The following SCFD2 variants were observed in gnomAD, a reference collection of about 807,000 sequenced individuals.
The protein encoded by SCFD2 is sec1 family domain containing 2.
Under a neutral mutation model 58.9 loss-of-function variants are expected in SCFD2, and 54 were observed. The ratio of observed to expected loss-of-function variants is 0.92; its 90% confidence interval spans 0.74 to 1.15. The LOEUF (loss-of-function observed/expected upper bound fraction) is 1.15. SCFD2 is among the 50% of genes most tolerant of loss of function. The pLI is 0.00. For synonymous variants in SCFD2, 321 were observed against 335.9 expected (o/e 0.96, Z 0.49); for missense variants, 805 against 836.6 (o/e 0.96, Z 0.47).
chr4:53,344,185 T>C (rs1733981340), intron 2 of SCFD2, among the ~76,000 whole-genome samples: 1 of 151,818 alleles, frequency 6.6e-6, no homozygotes, highest in Non-Finnish European at 1.5e-5. Flanking sequence ...GACATGATTG[T>C]ATATTTAGAA....
At chr4:53,109,017 C>T (rs1403355382) in intron 5 of SCFD2, among the ~76,000 whole-genome samples, 4 of 152,160 alleles carry the variant, frequency 2.6e-5, no homozygotes, top group Non-Finnish European at 5.9e-5. Context: ...GCTCATCTAC[C>T]ATGATCAAGT....
At chr4:52,892,312 C>T (rs903636617) in intron 7 of SCFD2, among the ~76,000 whole-genome samples, 6 of 152,196 alleles carry the variant, frequency 3.9e-5, no homozygotes, top group African/African-American at 1.2e-4. Flanking sequence ...CTTAGACTTT[C>T]ATCTTCTCAC....
At chr4:53,283,886 G>A (rs915653400) in intron 3 of SCFD2, among the ~76,000 whole-genome samples, 4 of 151,994 alleles carry the variant, frequency 2.6e-5, no homozygotes, top group Admixed American at 2.0e-4. Context: ...GGGAGGCCGA[G>A]GTGGGCGGAT....
chr4:53,051,956 C>G (rs1178126542), intron 5 of SCFD2, among the ~76,000 whole-genome samples: 1 of 152,248 alleles, frequency 6.6e-6, no homozygotes, highest in South Asian at 2.1e-4. Flanking sequence ...TCAATTAGAT[C>G]TAATTTTTCT....
chr4:53,229,766 C>G (rs191066193), intron 4 of SCFD2, among the ~76,000 whole-genome samples: 36 of 152,300 alleles, frequency 2.4e-4, no homozygotes, highest in African/African-American at 6.0e-4. Context: ...CCAGAATTGA[C>G]AAATGGGATC....
intron 5 of SCFD2, among the ~76,000 whole-genome samples, chr4:53,009,352 C>T (rs188761960): frequency 6.6e-6 from 1 of 152,274 alleles, no homozygotes; most frequent in Non-Finnish European, 1.5e-5. Flanking sequence ...TTGGTAAATA[C>T]TGGTTGAGAA....
rs17082302 is a variant in SCFD2 at position 53,027,029 on chromosome 4, A to C, written c.1562-106159T>G. Among the ~76,000 whole-genome samples the C allele has an allele frequency of 5.0e-3, 768 of 152,346 alleles. 6 individuals are homozygous for C. Among genetic ancestry groups the C allele is most frequent in the African/African-American group, 0.017 (724 of 41,574 alleles). On this transcript the variant is annotated intron_variant, in intron 5 of 8. Coordinates refer to ENST00000401642, the MANE Select transcript of SCFD2 (RefSeq NM_152540.4). ...GACCTGATAGAGTTAATATACACCAAGGTAACAATCTCCTTAAGTTCCTAA... is the reference window on the plus strand; with the variant it reads ...GACCTGATAGAGTTAATATACACCACGGTAACAATCTCCTTAAGTTCCTAA...
At position 53,284,282 on chromosome 4, in the gene SCFD2, T is replaced by C. The variant is rs114113901; in HGVS notation, c.1136-10281A>G. ...TTGCCACATTACCATACTATTAATA[T>C]GCACTTTCATTTTTCTTATTGATTG... is the stretch of plus-strand genomic sequence containing the variant. On this transcript the variant is annotated intron_variant, in intron 3 of 8. Transcript: ENST00000401642. Among the ~76,000 whole-genome samples the C allele has an allele frequency of 8.6e-3, 1,302 of 151,930 alleles. 12 individuals carry two copies. Among genetic ancestry groups the C allele is most frequent in the African/African-American group, 0.03 (1,239 of 41,470 alleles).
intron 5 of SCFD2, among the ~76,000 whole-genome samples, chr4:52,960,042 T>A (rs995086861): frequency 6.6e-6 from 1 of 152,210 alleles, no homozygotes; most frequent in African/African-American, 2.4e-5. Context: ...GTCCACGGTC[T>A]TAATTTTTTC....
intron 4 of SCFD2, among the ~76,000 whole-genome samples, chr4:53,260,041 G>A (rs1730783467): frequency 6.6e-6 from 1 of 150,656 alleles, no homozygotes; most frequent in Non-Finnish European, 1.5e-5. Flanking sequence ...TGTATAGCAA[G>A]GTATATAGTG....
chr4:53,125,824 G>C lies in SCFD2; in HGVS notation c.1561+19509C>G, dbSNP rs1352878812. Among the ~76,000 whole-genome samples, 4 of 152,200 alleles carry C rather than the reference G, an allele frequency of 2.6e-5. No homozygotes were observed. The South Asian group carries it at 6.2e-4, about 24-fold the overall frequency. The stretch of plus-strand genomic sequence containing the variant: ...TTTAGGGCCTGATCACTAAAGGGAG[G>C]GGGTAGATATGGGGTAAATAGAAGT... On this transcript the variant is annotated intron_variant, in intron 5 of 8. Coordinates refer to ENST00000401642, the MANE Select transcript of SCFD2 (RefSeq NM_152540.4).
At chr4:53,028,444 T>C (rs1722534006) in intron 5 of SCFD2, among the ~76,000 whole-genome samples, 1 of 152,212 alleles carries the variant, frequency 6.6e-6, no homozygotes, top group African/African-American at 2.4e-5. Context: ...TGAATCATAC[T>C]ATAGTACTCC....
chr4:53,049,092 C>A (rs1462465565), intron 5 of SCFD2, among the ~76,000 whole-genome samples: 3 of 152,246 alleles, frequency 2.0e-5, no homozygotes, highest in Middle Eastern at 3.4e-3. Flanking sequence ...AATGGCGTAC[C>A]TTCTTTCAAC....
In SCFD2 at chr4:53,365,053, T is replaced by A. The variant is rs1734653024; in HGVS notation, c.838+51A>T. ...AAAATATATGCTGAATCAATGAAAG[T>A]CCCAGCAATGTGGGGAATGGTAATG... is the stretch of plus-strand genomic sequence containing the variant. On this transcript the variant is annotated intron_variant, in intron 1 of 8. Transcript: ENST00000401642. This position sits in a 1 kb window ranked among gnomAD's most constrained non-coding sequence, Gnocchi z 4.3. 1 of 1,560,012 alleles carries A rather than the reference T, an allele frequency of 6.4e-7. No individual in the cohort carries two copies.
intron 3 of SCFD2, among the ~76,000 whole-genome samples, chr4:53,300,995 C>A (rs1286925902): frequency 1.3e-5 from 2 of 152,108 alleles, no homozygotes; most frequent in Admixed American, 6.5e-5. Flanking sequence ...CAAGAGAAAG[C>A]AGGAAAGATC....
chr4:53,018,564 T>C (rs1475539615), intron 5 of SCFD2, among the ~76,000 whole-genome samples: 2 of 152,184 alleles, frequency 1.3e-5, no homozygotes, highest in African/African-American at 2.4e-5. Context: ...GAGTGATTTA[T>C]ATTTAGTCAA....
chr4:53,324,415 C>G (rs1360390279), intron 2 of SCFD2, among the ~76,000 whole-genome samples: 2 of 101,020 alleles, frequency 2.0e-5, no homozygotes, highest in African/African-American at 3.8e-5. Context: ...GAGACCCTGT[C>G]TCTCCAAAAA....
At chr4:53,327,811 T>C (rs1392990943) in intron 2 of SCFD2, among the ~76,000 whole-genome samples, 1 of 152,156 alleles carries the variant, frequency 6.6e-6, no homozygotes, top group African/African-American at 2.4e-5. Context: ...ATTGGAAGTA[T>C]TGCTGGGAAC....
rs1721977277 is a variant in SCFD2 at position 53,006,721 on chromosome 4, G to C, written c.1562-85851C>G. Among the ~76,000 whole-genome samples, 4 of 152,166 alleles carry C rather than the reference G, an allele frequency of 2.6e-5. No individual in the cohort carries two copies. In the South Asian group the frequency reaches 8.3e-4, roughly 32 times the overall value. On this transcript the variant is annotated intron_variant, in intron 5 of 8. Coordinates refer to ENST00000401642, the MANE Select transcript of SCFD2 (RefSeq NM_152540.4). Reference sequence around the variant, plus strand: ...AGCTGGGGAAACAGAAGTTCATGTGGGAAATGACTAAAGGCATGCAAGTGA... The same window carrying C: ...AGCTGGGGAAACAGAAGTTCATGTGCGAAATGACTAAAGGCATGCAAGTGA...
Sources: gnomAD v4.1 joint callset for allele counts (sites outside exome capture counted in the v4.1 genomes callset) on GRCh38, gnomAD v4.1.1 for gene constraint, Gnocchi (gnomAD v3.1) non-coding constraint, MANE v1.5 for transcripts, NCBI Gene and HGNC (gene_info 2026-07-23, HGNC 2026-07-21) for gene names.